Variants in POLK observed in about 807,000 individuals in gnomAD.
POLK encodes polymerase (DNA directed) kappa.
Under a neutral mutation model 94.0 loss-of-function variants are expected in POLK, and 76 were observed. The observed-to-expected ratio is 0.81, with a 90% CI of 0.67 to 0.98. The LOEUF is 0.98. POLK is among the 50% of genes least tolerant of loss of function. The pLI is 0.00. For missense variants in POLK, 954 were observed against 1,010.1 expected, an observed-to-expected ratio of 0.94 and a Z score of 0.75; for synonymous variants, 349 against 325.4, an observed-to-expected ratio of 1.07 and a Z score of -0.78.
downstream of POLK, among the ~76,000 whole-genome samples, chr5:75,602,328 G>A (rs1166632251): frequency 6.6e-6 from 1 of 152,120 alleles, no homozygotes; most frequent in Non-Finnish European, 1.5e-5. Context: ...CATACTGTTA[G>A]CATAAACTAT....
chr5:75,604,370 G>A (rs1773369501), downstream of POLK, among the ~76,000 whole-genome samples: 1 of 152,138 alleles, frequency 6.6e-6, no homozygotes, highest in South Asian at 2.1e-4. Context: ...CATACCTGGT[G>A]TACCTGGTGC....
In POLK at chr5:75,547,158, G is replaced by A. The variant is rs755184351; in HGVS notation, c.135+1G>A. ...CAAAATTATAATGGAAGCCACGAAG[G>A]TATGTTTCTTGTTTCTTTTGATGTG... On this transcript the variant is annotated splice_donor_variant, in intron 2 of 14. Coordinates refer to ENST00000241436, the Ensembl canonical transcript of POLK. LOFTEE classifies it high-confidence loss of function. 1.3e-6 allele frequency: 2 copies of A among 1,520,752 alleles called. No individual in the cohort carries two copies. Among genetic ancestry groups the A allele is most frequent in the Admixed American group, 1.8e-5 (1 of 54,568 alleles). The allele number at this position is 1,520,752 out of a possible 1,614,324, so 94.2% of individuals were successfully genotyped here. A position where few individuals can be genotyped will look rare whatever the true frequency, so the allele number is the denominator to read the frequency against.
chr5:75,546,420 A>G (rs1770020981), intron 1 of POLK, among the ~76,000 whole-genome samples: 2 of 152,124 alleles, frequency 1.3e-5, no homozygotes, highest in Non-Finnish European at 2.9e-5. Context: ...AAGAAATTCA[A>G]ATATAAGTGG....
At chr5:75,511,943 C>T (rs1768041469) in intron 1 of POLK, 29 bp downstream of exon 1, 1 of 899,778 alleles carries the variant, frequency 1.1e-6, no homozygotes. Context: ...GATCGCTTGT[C>T]CCCTTGGGGC....
intron 3 of POLK, among the ~76,000 whole-genome samples, chr5:75,555,547 A>T (rs1347840081): frequency 6.6e-6 from 1 of 150,806 alleles, no homozygotes; most frequent in Non-Finnish European, 1.5e-5. Flanking sequence ...TGTACCACAG[A>T]CAATTTTTTT....
At chr5:75,547,149 G>A (rs961339066) in exon 2 of POLK, 10 of 1,534,612 alleles carry the variant, frequency 6.5e-6, no homozygotes, top group Admixed American at 1.8e-5. Context: ...TATAATGGAA[G>A]CCACGAAGGT....
chr5:75,585,364 T>C (rs1349202722), intron 9 of POLK, among the ~76,000 whole-genome samples: 1 of 152,252 alleles, frequency 6.6e-6, no homozygotes, highest in Non-Finnish European at 1.5e-5. Flanking sequence ...CTTTACTTTG[T>C]GTTAGGCACT....
At chr5:75,580,796 G>T (rs1772154688) in intron 6 of POLK, among the ~76,000 whole-genome samples, 1 of 149,118 alleles carries the variant, frequency 6.7e-6, no homozygotes, top group African/African-American at 2.5e-5. Context: ...ATTATATATT[G>T]TTTATTATAT....
At chr5:75,553,585 T>C (rs1043227846) in intron 3 of POLK, among the ~76,000 whole-genome samples, 1 of 152,232 alleles carries the variant, frequency 6.6e-6, no homozygotes, top group Admixed American at 6.5e-5. Context: ...AGCATTCCAC[T>C]GTGTGGAGGT....
In POLK at chr5:75,555,319, C is replaced by A. The variant is rs185169064; in HGVS notation, c.255+2728C>A. Among the ~76,000 whole-genome samples the A allele has an allele frequency of 7.9e-4, 119 of 151,570 alleles. 1 individual carries two copies. The highest frequency in any genetic ancestry group is 2.7e-3 in the African/African-American group (113 of 41,394). On this transcript the variant is annotated intron_variant, in intron 3 of 14. Transcript: ENST00000241436. ...TCCATCTATTCATCCCTCCCTCCCC[C>A]ACTAACCCCTGGCAATCACTGACCT... is the stretch of plus-strand genomic sequence containing the variant.
intron 3 of POLK, among the ~76,000 whole-genome samples, chr5:75,567,970 C>T (rs771969851): frequency 5.3e-5 from 8 of 152,036 alleles, no homozygotes; most frequent in Non-Finnish European, 1.0e-4. Context: ...TTTTAACCTG[C>T]GACTAGTGGG....
At chr5:75,583,149 T>C in intron 7 of POLK, 144 bp from the exon 8 acceptor site, 1 of 528,170 alleles carries the variant, frequency 1.9e-6, no homozygotes, top group South Asian at 3.5e-5. Context: ...GGGAGATAGA[T>C]GGTAATCAAA....
chr5:75,576,772 C>G lies in POLK; in HGVS notation c.541-8C>G. On this transcript the variant is annotated splice_polypyrimidine_tract_variant and splice_region_variant and intron_variant, in intron 5 of 14. Transcript: ENST00000241436. ...CAAAATTTAAACTTTTTTTTGTTTC[C>G]TTTGAAGGTTAAGGAAATACTTGCT... 1 of 1,456,434 alleles carries G rather than the reference C, an allele frequency of 6.9e-7. No individual in the cohort carries two copies. The highest frequency in any genetic ancestry group is 9.1e-7 in the Non-Finnish European group (1 of 1,097,240). The allele number at this position is 1,456,434 out of a possible 1,614,324, so 90.2% of individuals were successfully genotyped here.
intron 4 of POLK, among the ~76,000 whole-genome samples, chr5:75,570,641 C>CT (rs1340232806): frequency 6.6e-6 from 1 of 152,106 alleles, no homozygotes; most frequent in Non-Finnish European, 1.5e-5. Context: ...GTTGCTCTTC[C>CT]TTTTTACCAC....
intron 10 of POLK, among the ~76,000 whole-genome samples, chr5:75,589,661 T>C (rs1772675573): frequency 6.6e-6 from 1 of 152,080 alleles, no homozygotes; most frequent in Non-Finnish European, 1.5e-5. Context: ...TGGTTGCCAC[T>C]AGGGAAGAGA....
chr5:75,542,654 CATAT>C (rs200946266), intron 1 of POLK, among the ~76,000 whole-genome samples: 11,636 of 135,016 alleles, frequency 0.086, 544 homozygotes, highest in South Asian at 0.18. Context: ...CATATATACA[CATAT>C]ATATATACAC....
Position 75,559,596 on chromosome 5 carries a change from G to A in POLK, c.255+7005G>A, listed in dbSNP as rs1420954905. Among the ~76,000 whole-genome samples the A allele has an allele frequency of 2.9e-5, 4 of 139,806 alleles. No individual in the cohort carries two copies. The East Asian group carries it at 6.4e-4, about 22-fold the overall frequency. The allele number at this position is 139,806 out of a possible 152,430, so 91.7% of individuals were successfully genotyped here. On this transcript the variant is annotated intron_variant, in intron 3 of 14. Transcript: ENST00000241436. ...TCACCCAGGCTGGAGTGCAGTGGTGGTACCATCATGGCTCACTACAACCTC... is the reference window on the plus strand; with the variant it reads ...TCACCCAGGCTGGAGTGCAGTGGTGATACCATCATGGCTCACTACAACCTC...
At chr5:75,571,122 CTCCT>C (rs935045547) in intron 4 of POLK, among the ~76,000 whole-genome samples, 3 of 152,074 alleles carry the variant, frequency 2.0e-5, no homozygotes, top group African/African-American at 7.2e-5. Flanking sequence ...AATTTCTGTC[CTCCT>C]AAAAATCAGT....
Position 75,566,465 on chromosome 5 carries a change from T to G in POLK, c.256-2875T>G, listed in dbSNP as rs141251669. ...TGTCTGCCCAAATGGCCGCCCAGTTTTGTGCTTGAAACCCAGGGCCCTGGT... is the reference window on the plus strand; with the variant it reads ...TGTCTGCCCAAATGGCCGCCCAGTTGTGTGCTTGAAACCCAGGGCCCTGGT... On this transcript the variant is annotated intron_variant, in intron 3 of 14. Transcript: ENST00000241436. Among the ~76,000 whole-genome samples the G allele has an allele frequency of 1.4e-3, 206 of 152,338 alleles. 1 individual carries two copies. Among genetic ancestry groups the G allele is most frequent in the Non-Finnish European group, 2.3e-3 (154 of 68,026 alleles).
Sources: allele counts gnomAD v4.1 joint callset (sites outside exome capture counted in the v4.1 genomes callset), GRCh38; gene constraint gnomAD v4.1.1; transcripts MANE v1.5; gene names NCBI Gene and HGNC (gene_info 2026-07-23, HGNC 2026-07-21).